The following SMG1 variants were observed in gnomAD, a reference collection of about 807,000 sequenced individuals.
SMG1 encodes serine/threonine-protein kinase SMG1.
A neutral mutation model predicts 419.9 loss-of-function variants in SMG1; 22 were observed. That is an observed-to-expected ratio of 0.05 (90% confidence interval 0.04 to 0.07). The LOEUF (loss-of-function observed/expected upper bound fraction) is 0.07, where lower values mean the gene tolerates loss of function less well. Among genes scored for constraint, SMG1 ranks in the 10% least tolerant of loss-of-function variants. SMG1 has a pLI of 1.00. For synonymous variants in SMG1, 1,538 were observed against 1,553.5 expected (o/e 0.99, Z 0.23); for missense variants, 3,185 against 4,342.0 (o/e 0.73, Z 7.49).
Position 18,820,120 on chromosome 16 carries a change from C to T in SMG1, c.9742-466G>A, listed in dbSNP as rs532975433. Among the ~76,000 whole-genome samples the T allele has an allele frequency of 5.3e-5, 8 of 152,266 alleles. No individual in the cohort carries two copies. The South Asian group carries it at 1.2e-3, about 24-fold the overall frequency. On this transcript the variant is annotated intron_variant, in intron 55 of 62. Transcript: ENST00000446231. ...AGCTGGGACTACAGGCACCTGCCAT[C>T]GTGCCTGGCTAATTTTTGTAGTTTT...
In SMG1 at chr16:18,847,529, G is replaced by C; in HGVS notation, c.5920C>G (p.His1974Asp). 6.2e-7 allele frequency: 1 copy of C among 1,614,040 alleles called. No homozygotes were observed. ...TGAATTCGTCTCAGGACATACATGT[G>C]TTGTTGCAGCAAAACTCCCAGCCAG... is the stretch of plus-strand genomic sequence containing the variant. ...ELWLGVLLQQHMYVLRRIQQL... is the reference protein window; with the variant it reads ...ELWLGVLLQQDMYVLRRIQQL... Residue 1974 changes from histidine (H) to aspartate (D), a missense_variant, in exon 38 of 63, where the codon CAC becomes GAC. Physicochemically the swap from His to Asp is moderately conservative, Grantham distance 81. This residue lies in a region of SMG1 where 130 missense variants were observed against 162.0 expected (regional missense o/e 0.80). Coordinates refer to ENST00000446231, the MANE Select transcript of SMG1 (RefSeq NM_015092.5).
Position 18,821,221 on chromosome 16 carries a change from CTTTTTTTTTTT to C in SMG1, c.9742-1578_9742-1568del, listed in dbSNP as rs869238782. 8.4e-5 allele frequency among the ~76,000 whole-genome samples: 3 copies of C among 35,598 alleles called. 1 individual carries two copies. The South Asian group carries it at 2.5e-3, about 30-fold the overall frequency. 23.4% of individuals were successfully genotyped at this position (35,598 alleles called of 152,430 possible). On this transcript the variant is annotated intron_variant, in intron 55 of 62. Transcript: ENST00000446231. ...AAAACCTGAGATATTTAGTATGTTT[CTTTTTTTTTTT>C]TTTTTTTTCTTTTTTTTTTCTTTTT...
chr16:18,907,882 C>T lies in SMG1; in HGVS notation c.93-10926G>A, dbSNP rs1234337868. On this transcript the variant is annotated intron_variant, in intron 1 of 62. Transcript: ENST00000446231. ...AAAAAAAAAAAAAGAGACCCTACTT[C>T]AGCTCTCAATTGCATCACTTATCTT... Among the ~76,000 whole-genome samples, 3 of 146,216 alleles carry T rather than the reference C, an allele frequency of 2.1e-5. No individual in the cohort carries two copies. In the Admixed American group the frequency reaches 2.1e-4, roughly 10 times the overall value.
At chr16:18,916,981 T>C (rs1163068036) in intron 1 of SMG1, among the ~76,000 whole-genome samples, 1 of 152,050 alleles carries the variant, frequency 6.6e-6, no homozygotes, top group Non-Finnish European at 1.5e-5. Flanking sequence ...CTCCATTTTA[T>C]ATGACACTTA....
intron 1 of SMG1, among the ~76,000 whole-genome samples, chr16:18,909,542 G>C (rs1253259821): frequency 6.6e-6 from 1 of 151,674 alleles, no homozygotes; most frequent in Non-Finnish European, 1.5e-5. Context: ...CATCATCCTA[G>C]GCCAGTCCAC....
At chr16:18,846,873 G>T (rs1414907505) in intron 38 of SMG1, among the ~76,000 whole-genome samples, 1 of 152,060 alleles carries the variant, frequency 6.6e-6, no homozygotes, top group African/African-American at 2.4e-5. Flanking sequence ...AAATCCACTG[G>T]ATCATCCACA....
chr16:18,842,820 A>G (rs1415801683), intron 39 of SMG1, among the ~76,000 whole-genome samples: 1 of 152,122 alleles, frequency 6.6e-6, no homozygotes, highest in Non-Finnish European at 1.5e-5. Flanking sequence ...AGAGAGGGAG[A>G]CCCTGTCTCA....
At chr16:18,906,309 C>T (rs558116258) in intron 1 of SMG1, among the ~76,000 whole-genome samples, 2 of 152,152 alleles carry the variant, frequency 1.3e-5, no homozygotes, top group East Asian at 3.9e-4. Flanking sequence ...ATGGTGAAAC[C>T]TCATCTCTAC....
rs1258778685 is a variant in SMG1, at chr16:18,839,830, G to C, written c.6813C>G (p.Ser2271=). Residue 2271 remains serine (S), a synonymous_variant, in exon 42 of 63, where the codon TCC becomes TCG. Transcript: ENST00000446231. ...LKTVGLSLDV[S]RRDWPLHVMK... Reference sequence around the variant, plus strand: ...TTACATGAAGAGGCCAATCCCGACGGGACACATCCAGGCTAAGCCCAACTG... The same window carrying C: ...TTACATGAAGAGGCCAATCCCGACGCGACACATCCAGGCTAAGCCCAACTG... 6.2e-7 allele frequency: 1 copy of C among 1,613,844 alleles called. No individual in the cohort carries two copies.
At chr16:18,861,005 A>T (rs1389954478) in intron 25 of SMG1, 2 of 416,038 alleles carry the variant, frequency 4.8e-6, no homozygotes, top group Non-Finnish European at 8.7e-6. Flanking sequence ...ACAGCTACAG[A>T]CTTTCAGTGG....
rs1356876879 is a variant in SMG1, at chr16:18,925,934, C to T, written c.92+16G>A. The stretch of plus-strand genomic sequence containing the variant: ...AGCCCGGGAGGTCGGGGCGGGGTCC[C>T]GGGCCGGTCACCCACCTGGGTTGCC... On this transcript the variant is annotated intron_variant, in intron 1 of 62. Coordinates refer to ENST00000446231, the MANE Select transcript of SMG1 (RefSeq NM_015092.5). 1.3e-6 allele frequency: 2 copies of T among 1,533,132 alleles called. No homozygotes were observed. Among genetic ancestry groups the T allele is most frequent in the East Asian group, 2.5e-5 (1 of 39,258 alleles). The allele number at this position is 1,533,132 out of a possible 1,614,324, so 95.0% of individuals were successfully genotyped here.
intron 33 of SMG1, 41 bp from the exon 34 acceptor site, chr16:18,850,508 A>G (rs898516109): frequency 7.2e-6 from 10 of 1,394,680 alleles, no homozygotes; most frequent in Non-Finnish European, 1.0e-5. Context: ...TTAAATACAA[A>G]CTGAAAAGGG....
intron 1 of SMG1, among the ~76,000 whole-genome samples, chr16:18,919,814 G>A (rs966952043): frequency 6.6e-6 from 1 of 150,948 alleles, no homozygotes; most frequent in African/African-American, 2.4e-5. Context: ...AAAAGGGGTT[G>A]GGGGGGTCCA....
chr16:18,876,890 TA>T (rs939944316), intron 12 of SMG1, among the ~76,000 whole-genome samples: 1 of 151,946 alleles, frequency 6.6e-6, no homozygotes, highest in Non-Finnish European at 1.5e-5. Flanking sequence ...AATAAATTTA[TA>T]ATAAATTTAA....
Position 18,926,380 on chromosome 16 carries a change from C to T in SMG1, c.-339G>A, listed in dbSNP as rs922518294. ...GAGGACGACGAGGAGCAGGCGGTGGCGGCAGCTCCTCACGCTCACACGGCC... is the reference window on the plus strand; with the variant it reads ...GAGGACGACGAGGAGCAGGCGGTGGTGGCAGCTCCTCACGCTCACACGGCC... On this transcript the variant is annotated 5_prime_UTR_variant, in exon 1 of 63. Transcript: ENST00000446231. The T allele has an allele frequency of 2.9e-5, 8 of 274,200 alleles. No homozygotes were observed. Among genetic ancestry groups the T allele is most frequent in the African/African-American group, 1.3e-4 (6 of 44,550 alleles). 17.0% of individuals were successfully genotyped at this position (274,200 alleles called of 1,614,324 possible).
intron 13 of SMG1, 59 bp from the exon 14 acceptor site, chr16:18,872,683 A>T (rs1246390875): frequency 7.9e-7 from 1 of 1,261,840 alleles, no homozygotes; most frequent in African/African-American, 1.5e-5. Context: ...ACAAGCATAC[A>T]GAGTTTATCC....
intron 23 of SMG1, among the ~76,000 whole-genome samples, chr16:18,864,442 C>G (rs896139626): frequency 6.6e-6 from 1 of 152,100 alleles, no homozygotes; most frequent in East Asian, 1.9e-4. Flanking sequence ...AGGTGATCCA[C>G]CTGCCTCGGC....
At chr16:18,817,130 C>A (rs1178135067) in intron 57 of SMG1, among the ~76,000 whole-genome samples, 161 bp downstream of exon 57, 10 of 96,902 alleles carry the variant, frequency 1.0e-4, no homozygotes, top group Non-Finnish European at 1.7e-4. Context: ...GGGGGGGGGG[C>A]GCTAAGAAAA....
intron 1 of SMG1, among the ~76,000 whole-genome samples, chr16:18,903,695 A>G (rs189584147): frequency 2.0e-5 from 3 of 152,306 alleles, no homozygotes; most frequent in Admixed American, 1.3e-4. Context: ...AACTGGCCTA[A>G]GGTTGCACAG....
Sources: allele counts gnomAD v4.1 joint callset (sites outside exome capture counted in the v4.1 genomes callset), GRCh38; gene constraint gnomAD v4.1.1; regional missense constraint gnomAD v4.1.1; transcripts MANE v1.5; gene names NCBI Gene and HGNC (gene_info 2026-07-23, HGNC 2026-07-21).